CD96: variants seen among roughly 807,000 people sequenced by gnomAD.
CD96 encodes T-cell surface protein tactile.
In CD96, 70 loss-of-function variants were observed where a neutral mutation model predicts 71.3. The observed-to-expected ratio is 0.98, with a 90% confidence interval of 0.81 to 1.20. The LOEUF (loss-of-function observed/expected upper bound fraction) is 1.20, where lower values mean the gene tolerates loss of function less well. CD96 is among the 50% of genes most tolerant of loss of function. CD96 has a pLI of 0.00. For synonymous variants in CD96, 248 were observed against 233.0 expected, an observed-to-expected ratio of 1.06 and a Z score of -0.59; for missense variants, 742 against 677.5, an observed-to-expected ratio of 1.10 and a Z score of -1.06.
chr3:111,660,949 G>C (rs775280988), intron 14 of CD96, among the ~76,000 whole-genome samples: 10 of 152,098 alleles, frequency 6.6e-5, no homozygotes, highest in Non-Finnish European at 1.3e-4. Context: ...GATGACATTG[G>C]CCTTTCTACT....
chr3:111,663,346 C>A (rs1376644537), intron 14 of CD96, among the ~76,000 whole-genome samples: 1 of 152,158 alleles, frequency 6.6e-6, no homozygotes, highest in Non-Finnish European at 1.5e-5. Context: ...GGACACAAAG[C>A]CAAACTGTAA....
intron 4 of CD96, among the ~76,000 whole-genome samples, chr3:111,579,673 T>A (rs1936381642): frequency 6.6e-6 from 1 of 152,126 alleles, no homozygotes; most frequent in Non-Finnish European, 1.5e-5. Flanking sequence ...TTTGCTAATG[T>A]GCTAACTCAG....
At chr3:111,570,761 C>T in intron 3 of CD96, 8 of 1,613,640 alleles carry the variant, frequency 5.0e-6, no homozygotes, top group Middle Eastern at 1.7e-4. Flanking sequence ...CCTCCCCCTC[C>T]TCATCCTCTA....
At chr3:111,637,155 G>C in intron 10 of CD96, 41 bp from the exon 11 acceptor site, 1 of 1,010,122 alleles carries the variant, frequency 9.9e-7, no homozygotes, top group South Asian at 1.3e-5. Flanking sequence ...TGGTAATATA[G>C]TCTCATATAG....
chr3:111,637,106 CT>C (rs1372976927), intron 10 of CD96, 89 bp from the exon 11 acceptor site: 10 of 758,676 alleles, frequency 1.3e-5, no homozygotes, highest in Admixed American at 3.7e-5. Flanking sequence ...CATTAATATC[CT>C]TTTTTATAAT....
At chr3:111,614,551 G>C (rs184314743) in intron 8 of CD96, among the ~76,000 whole-genome samples, 1 of 152,296 alleles carries the variant, frequency 6.6e-6, no homozygotes, top group Admixed American at 6.5e-5. Context: ...TCTCTCTGCA[G>C]CCTCTAAACT....
At chr3:111,662,550 AG>A (rs1425897826) in intron 14 of CD96, among the ~76,000 whole-genome samples, 1 of 152,268 alleles carries the variant, frequency 6.6e-6, no homozygotes, top group Non-Finnish European at 1.5e-5. Flanking sequence ...GGCTTTAAGA[AG>A]TCACCAATTT....
intron 14 of CD96, among the ~76,000 whole-genome samples, chr3:111,663,220 A>G (rs1940398662): frequency 6.6e-6 from 1 of 151,918 alleles, no homozygotes; most frequent in Admixed American, 6.6e-5. Context: ...TCTCGTGAGA[A>G]CTCACTCACT....
At chr3:111,622,190 A>G (rs1317314702) in intron 8 of CD96, among the ~76,000 whole-genome samples, 3 of 152,210 alleles carry the variant, frequency 2.0e-5, no homozygotes, top group African/African-American at 7.2e-5. Flanking sequence ...GACTTGGGCC[A>G]GGCCTGGGGA....
chr3:111,545,532 G>C (rs1332599961), intron 2 of CD96, 130 bp downstream of exon 2: 1 of 715,094 alleles, frequency 1.4e-6, no homozygotes. Context: ...GCTACTGTCT[G>C]ATAAGAGAGA....
chr3:111,585,682 G>T (rs1371198269), intron 5 of CD96, among the ~76,000 whole-genome samples: 1 of 152,224 alleles, frequency 6.6e-6, no homozygotes, highest in Non-Finnish European at 1.5e-5. Flanking sequence ...TGAGGACAAA[G>T]TAGGGCAGAA....
chr3:111,550,596 A>C (rs1576301850), intron 2 of CD96, among the ~76,000 whole-genome samples: 1 of 152,162 alleles, frequency 6.6e-6, no homozygotes, highest in East Asian at 1.9e-4. Flanking sequence ...ATATTGAAAA[A>C]AAAAGAACAG....
intron 5 of CD96, 84 bp downstream of exon 5, chr3:111,585,462 A>C: frequency 2.3e-6 from 2 of 881,296 alleles, no homozygotes; most frequent in South Asian, 1.3e-5. Context: ...ATGTTCTCTC[A>C]AAGAACTTTA....
At chr3:111,566,524 C>G (rs916832324) in intron 2 of CD96, among the ~76,000 whole-genome samples, 5 of 151,988 alleles carry the variant, frequency 3.3e-5, no homozygotes, top group Non-Finnish European at 7.4e-5. Context: ...AACAGGATTG[C>G]AGACTATGAG....
At position 111,658,538 on chromosome 3, in the gene CD96, T is replaced by A. The variant is rs149729733; in HGVS notation, c.*53-6989T>A. On this transcript the variant is annotated intron_variant and NMD_transcript_variant, in intron 14 of 14. Coordinates refer to the CD96 transcript ENST00000494798. ...GGAAATTTTGATGAAGATCAGGATA[T>A]ATGCATGGTCTCTAAGTGCCTCCCT... 3.1e-3 allele frequency among the ~76,000 whole-genome samples: 476 copies of A among 152,352 alleles called. 1 individual carries two copies. The highest frequency in any genetic ancestry group is 0.011 in the African/African-American group (440 of 41,580).
chr3:111,565,747 G>A (rs1935677967), intron 2 of CD96, among the ~76,000 whole-genome samples: 1 of 151,294 alleles, frequency 6.6e-6, no homozygotes, highest in Non-Finnish European at 1.5e-5. Context: ...AAACAGCAGT[G>A]GAGAGCAAGG....
At chr3:111,592,212 T>G (rs760477250) in intron 5 of CD96, among the ~76,000 whole-genome samples, 5 of 152,220 alleles carry the variant, frequency 3.3e-5, no homozygotes, top group Non-Finnish European at 5.9e-5. Context: ...CCAGAGTACT[T>G]TCCAGTTTGA....
At chr3:111,611,044 C>A (rs1370904496) in intron 8 of CD96, among the ~76,000 whole-genome samples, 1 of 152,144 alleles carries the variant, frequency 6.6e-6, no homozygotes, top group Non-Finnish European at 1.5e-5. Flanking sequence ...ACTTGCCTTG[C>A]CTCCTGTTTT....
At chr3:111,642,665 G>C (rs148772192) in intron 12 of CD96, among the ~76,000 whole-genome samples, 1 of 152,096 alleles carries the variant, frequency 6.6e-6, no homozygotes, top group East Asian at 1.9e-4. Context: ...AAATCAGCCA[G>C]GTATGGTGGC....
Sources: allele counts gnomAD v4.1 joint callset (sites outside exome capture counted in the v4.1 genomes callset), GRCh38; gene constraint gnomAD v4.1.1; transcripts MANE v1.5; gene names NCBI Gene and HGNC (gene_info 2026-07-23, HGNC 2026-07-21).